Variants in TPRG1 observed in about 807,000 individuals in gnomAD.
TPRG1 encodes tumor protein p63 regulated 1.
Under a neutral mutation model 29.3 loss-of-function variants are expected in TPRG1, and 29 were observed. The observed-to-expected ratio is 0.99, with a 90% CI of 0.74 to 1.35. The LOEUF is 1.35. TPRG1 is among the 40% of genes most tolerant of loss of function. TPRG1 has a pLI of 0.00. For synonymous variants in TPRG1, 130 were observed against 116.8 expected, an observed-to-expected ratio of 1.11 and a Z score of -0.73; for missense variants, 327 against 335.0, an observed-to-expected ratio of 0.98 and a Z score of 0.19.
intron 3 of TPRG1, 152 bp from the exon 4 acceptor site, chr3:189,238,580 TG>T: frequency 1.9e-6 from 1 of 513,126 alleles, no homozygotes; most frequent in South Asian, 3.7e-5. Context: ...CCAGACTGAG[TG>T]GGGTAGTGGT....
chr3:189,053,776 G>A (rs1165410630), intron 4 of TPRG1, among the ~76,000 whole-genome samples: 1 of 152,134 alleles, frequency 6.6e-6, no homozygotes, highest in Non-Finnish European at 1.5e-5. Context: ...TGGTGTTTTG[G>A]TAACAAAGAG....
rs572138660 is a variant in TPRG1 at position 189,234,246 on chromosome 3, A to G, written c.303-4487A>G. 1.6e-3 allele frequency among the ~76,000 whole-genome samples: 237 copies of G among 152,284 alleles called. 1 individual carries two copies. Among genetic ancestry groups the G allele is most frequent in the African/African-American group, 5.2e-3 (217 of 41,564 alleles). On this transcript the variant is annotated intron_variant, in intron 3 of 5. Transcript: ENST00000345063. ...GTAGGGGAGGTGAGGGTAAGTTTCCATGGAATAGACAGCATTTAAGCTGCA... is the reference window on the plus strand; with the variant it reads ...GTAGGGGAGGTGAGGGTAAGTTTCCGTGGAATAGACAGCATTTAAGCTGCA...
chr3:189,279,188 G>A (rs1576939407), intron 4 of TPRG1, among the ~76,000 whole-genome samples: 2 of 152,200 alleles, frequency 1.3e-5, no homozygotes, highest in East Asian at 1.9e-4. Flanking sequence ...ACAATAACAG[G>A]CAATGGGCTT....
intron 3 of TPRG1, among the ~76,000 whole-genome samples, chr3:189,143,944 G>T (rs895953821): frequency 2.0e-5 from 3 of 152,106 alleles, no homozygotes; most frequent in Non-Finnish European, 2.9e-5. Flanking sequence ...AACTCCCCCA[G>T]ACACTTTGCT....
At chr3:189,160,724 C>A (rs1411146579) in intron 5 of TPRG1, among the ~76,000 whole-genome samples, 3 of 152,136 alleles carry the variant, frequency 2.0e-5, no homozygotes, top group Non-Finnish European at 2.9e-5. Context: ...CTGACCTTGC[C>A]CCACCCTGTT....
At chr3:189,129,480 T>A (rs1219237024) in intron 2 of TPRG1, among the ~76,000 whole-genome samples, 2 of 152,216 alleles carry the variant, frequency 1.3e-5, no homozygotes, top group African/African-American at 2.4e-5. Flanking sequence ...GTAAATTTGC[T>A]GTTTCCCCCT....
chr3:189,179,526 T>C (rs780722252), intron 1 of TPRG1, among the ~76,000 whole-genome samples: 2 of 152,238 alleles, frequency 1.3e-5, no homozygotes, highest in Admixed American at 6.5e-5. Context: ...TGCAGTTGCA[T>C]TGAGAGTGCC....
intron 4 of TPRG1, among the ~76,000 whole-genome samples, chr3:189,309,410 G>A (rs1342460082): frequency 1.3e-5 from 2 of 152,108 alleles, no homozygotes; most frequent in Admixed American, 1.3e-4. Flanking sequence ...GAAATCCCAG[G>A]ATTTAATTTT....
In TPRG1 at chr3:189,288,912, C is replaced by T. The variant is rs187938195; in HGVS notation, c.480-21474C>T. 3.4e-4 allele frequency among the ~76,000 whole-genome samples: 52 copies of T among 152,268 alleles called. 1 individual carries two copies. Among genetic ancestry groups the T allele is most frequent in the African/African-American group, 1.0e-3 (43 of 41,546 alleles). ...AGATTCCAGCTTGTTATGAGGTAACCGAGTTTATGGGTGCCTGTATCTGTA... is the reference window on the plus strand; with the variant it reads ...AGATTCCAGCTTGTTATGAGGTAACTGAGTTTATGGGTGCCTGTATCTGTA... On this transcript the variant is annotated intron_variant, in intron 4 of 5. Coordinates refer to ENST00000345063, the MANE Select transcript of TPRG1 (RefSeq NM_198485.4).
intron 1 of TPRG1, among the ~76,000 whole-genome samples, chr3:188,997,491 G>A (rs532263967): frequency 6.6e-6 from 1 of 152,154 alleles, no homozygotes; most frequent in Non-Finnish European, 1.5e-5. Context: ...ATGAAGTACA[G>A]TGTAACGTTT....
At chr3:189,251,154 G>A (rs1742190720) in intron 4 of TPRG1, among the ~76,000 whole-genome samples, 3 of 150,360 alleles carry the variant, frequency 2.0e-5, no homozygotes, top group Admixed American at 6.6e-5. Context: ...TCCTCTCCAT[G>A]TGCTCCTCTC....
chr3:189,290,122 T>C (rs1310765895), intron 4 of TPRG1, among the ~76,000 whole-genome samples: 3 of 152,230 alleles, frequency 2.0e-5, no homozygotes, highest in Non-Finnish European at 4.4e-5. Flanking sequence ...TGGCAAAATA[T>C]GAGAAGCAGT....
chr3:189,116,190 T>G (rs1721144383), intron 1 of TPRG1, among the ~76,000 whole-genome samples: 1 of 152,170 alleles, frequency 6.6e-6, no homozygotes, highest in Non-Finnish European at 1.5e-5. Context: ...ATTATTATTA[T>G]TTTTTGAGAT....
intron 1 of TPRG1, among the ~76,000 whole-genome samples, chr3:189,110,122 G>C (rs1024884683): frequency 6.6e-6 from 1 of 152,096 alleles, no homozygotes; most frequent in African/African-American, 2.4e-5. Context: ...ATTTAACTTC[G>C]GTAGAAACTA....
At chr3:189,081,176 T>A (rs965473097) in intron 4 of TPRG1, among the ~76,000 whole-genome samples, 2 of 152,146 alleles carry the variant, frequency 1.3e-5, no homozygotes, top group Non-Finnish European at 2.9e-5. Context: ...AATGAAGATA[T>A]ACCACTGAAG....
chr3:189,070,586 C>T (rs974856785), intron 4 of TPRG1, among the ~76,000 whole-genome samples: 2 of 152,234 alleles, frequency 1.3e-5, no homozygotes, highest in East Asian at 1.9e-4. Context: ...TTATTTCTCA[C>T]AATTGCATTT....
intron 4 of TPRG1, among the ~76,000 whole-genome samples, chr3:189,294,855 A>AT (rs542791911): frequency 1.1e-4 from 17 of 149,938 alleles, no homozygotes; most frequent in African/African-American, 2.7e-4. Context: ...AAACTGGTTA[A>AT]TTTTTTTTTT....
intron 4 of TPRG1, among the ~76,000 whole-genome samples, chr3:189,038,640 T>G (rs113539606): frequency 7.5e-4 from 114 of 152,214 alleles, no homozygotes; most frequent in African/African-American, 2.3e-3. Flanking sequence ...ATAATAATTA[T>G]GAATTTCTGT....
intron 1 of TPRG1, among the ~76,000 whole-genome samples, chr3:189,181,910 T>C (rs976756593): frequency 2.0e-5 from 3 of 152,312 alleles, no homozygotes; most frequent in South Asian, 2.1e-4. Context: ...TCCATGTGAC[T>C]GGGGAAGCCT....
Sources: gnomAD v4.1 joint callset for allele counts (sites outside exome capture counted in the v4.1 genomes callset) on GRCh38, gnomAD v4.1.1 for gene constraint, MANE v1.5 for transcripts, NCBI Gene and HGNC (gene_info 2026-07-23, HGNC 2026-07-21) for gene names.